BLOC1S5: variants seen among roughly 807,000 people sequenced by gnomAD.
BLOC1S5 encodes biogenesis of lysosomal organelles complex 1 subunit 5, also known as biogenesis of lysosome-related organelles complex 1 subunit 5.
BLOC1S5 carries 27 observed loss-of-function variants against 24.3 expected under a neutral mutation model. That is an observed-to-expected ratio of 1.11 (90% confidence interval 0.82 to 1.53). The LOEUF (loss-of-function observed/expected upper bound fraction) is 1.53, where lower values mean the gene tolerates loss of function less well. BLOC1S5 is among the 40% of genes most tolerant of loss of function. BLOC1S5 has a pLI of 0.00. For synonymous variants in BLOC1S5, 84 were observed against 74.5 expected, an observed-to-expected ratio of 1.13 and a Z score of -0.66; for missense variants, 239 against 229.4, an observed-to-expected ratio of 1.04 and a Z score of -0.27.
chr6:8,024,904 G>C (rs1383186266), intron 4 of BLOC1S5, among the ~76,000 whole-genome samples: 1 of 152,218 alleles, frequency 6.6e-6, no homozygotes, highest in Admixed American at 6.5e-5. Flanking sequence ...AGGGCTTATA[G>C]CTAGCTAGTA....
chr6:8,016,307 C>T (rs1191829727), intron 4 of BLOC1S5, among the ~76,000 whole-genome samples: 3 of 148,802 alleles, frequency 2.0e-5, no homozygotes, highest in Non-Finnish European at 4.4e-5. Context: ...GCCTGGGTGA[C>T]AGAGTGAGAC....
chr6:8,061,286 G>C (rs1223360379), intron 2 of BLOC1S5, among the ~76,000 whole-genome samples: 2 of 152,016 alleles, frequency 1.3e-5, no homozygotes, highest in African/African-American at 2.4e-5. Flanking sequence ...AGATAAAAAA[G>C]ACTTAAAAAT....
chr6:8,050,074 GT>G (rs760461736), intron 2 of BLOC1S5, among the ~76,000 whole-genome samples: 1 of 152,156 alleles, frequency 6.6e-6, no homozygotes, highest in East Asian at 1.9e-4. Context: ...CAGATACTAT[GT>G]TTTTTACAAA....
intron 3 of BLOC1S5, among the ~76,000 whole-genome samples, chr6:8,036,893 A>G (rs1763508558): frequency 6.6e-6 from 1 of 152,172 alleles, no homozygotes; most frequent in African/African-American, 2.4e-5. Context: ...TAAATAACCC[A>G]TATGGTAACC....
chr6:8,062,636 T>C lies in BLOC1S5; in HGVS notation c.113-20A>G. Reference sequence around the variant, plus strand: ...CAAGATCTATAAAGATAAAATGAAATTCAGGGTTAATCCATGCTAAATGGC... The same window carrying C: ...CAAGATCTATAAAGATAAAATGAAACTCAGGGTTAATCCATGCTAAATGGC... On this transcript the variant is annotated intron_variant, in intron 1 of 4. Coordinates refer to ENST00000397457, the MANE Select transcript of BLOC1S5 (RefSeq NM_201280.3). 4 of 1,525,246 alleles carry C rather than the reference T, an allele frequency of 2.6e-6. No homozygotes were observed. The highest frequency in any genetic ancestry group is 1.8e-5 in the Admixed American group (1 of 56,024). The allele number at this position is 1,525,246 out of a possible 1,614,324, so 94.5% of individuals were successfully genotyped here.
chr6:8,042,431 G>A (rs1763726223), intron 2 of BLOC1S5, among the ~76,000 whole-genome samples: 1 of 152,172 alleles, frequency 6.6e-6, no homozygotes, highest in South Asian at 2.1e-4. Flanking sequence ...CTGGCTGGGG[G>A]CTGGAAACTT....
intron 3 of BLOC1S5, among the ~76,000 whole-genome samples, chr6:8,036,087 GA>G (rs200159528): frequency 0.014 from 2,165 of 152,166 alleles, 53 homozygotes; most frequent in African/African-American, 0.049. Flanking sequence ...AGGAAACTTG[GA>G]AAATACACAC....
At position 8,035,345 on chromosome 6, in the gene BLOC1S5, CT is replaced by C. The variant is rs1256450310; in HGVS notation, c.325+5793del. Among the ~76,000 whole-genome samples the C allele has an allele frequency of 7.5e-3, 568 of 75,546 alleles. 3 individuals are homozygous for C. The East Asian group carries it at 0.13, about 17-fold the overall frequency. 49.6% of individuals were successfully genotyped at this position (75,546 alleles called of 152,430 possible). ...AAAATTTTCAAAAAGGAATAAAAAT[CT>C]TTTTTTTTTTTTTAAAAAAAAGGCA... On this transcript the variant is annotated intron_variant, in intron 3 of 4. Coordinates refer to ENST00000397457, the MANE Select transcript of BLOC1S5 (RefSeq NM_201280.3).
intron 4 of BLOC1S5, among the ~76,000 whole-genome samples, chr6:8,024,470 G>T (rs1763039000): frequency 7.7e-6 from 1 of 130,544 alleles, no homozygotes; most frequent in Non-Finnish European, 1.5e-5. Context: ...GTGAGCCACT[G>T]CACCACTGCC....
intron 3 of BLOC1S5, among the ~76,000 whole-genome samples, chr6:8,033,931 G>A (rs7747475): frequency 0.6 from 91,585 of 152,046 alleles, 28,412 homozygotes; most frequent in East Asian, 0.91. Flanking sequence ...ACAATGAGAT[G>A]CCATCTCACA....
intron 3 of BLOC1S5, among the ~76,000 whole-genome samples, chr6:8,036,565 G>A (rs980608136): frequency 7.2e-5 from 11 of 152,078 alleles, no homozygotes; most frequent in African/African-American, 2.7e-4. Context: ...GGACTTAATG[G>A]CTTCTTTGCT....
At chr6:8,033,021 A>C (rs371556115) in intron 3 of BLOC1S5, among the ~76,000 whole-genome samples, 19 of 152,352 alleles carry the variant, frequency 1.2e-4, no homozygotes, top group East Asian at 3.9e-4. Context: ...ATGGATAGGA[A>C]GAATCAATAT....
At chr6:8,034,900 T>G (rs1763433788) in intron 3 of BLOC1S5, among the ~76,000 whole-genome samples, 1 of 151,880 alleles carries the variant, frequency 6.6e-6, no homozygotes, top group African/African-American at 2.4e-5. Flanking sequence ...CAAATGCCCA[T>G]CAATCAACAA....
At chr6:8,058,955 T>C (rs968274279) in intron 2 of BLOC1S5, among the ~76,000 whole-genome samples, 2 of 152,246 alleles carry the variant, frequency 1.3e-5, no homozygotes, top group African/African-American at 4.8e-5. Flanking sequence ...ATTGCATGAA[T>C]AAAGTTTGCT....
chr6:8,022,204 G>A (rs941962007), intron 4 of BLOC1S5, among the ~76,000 whole-genome samples: 4 of 149,758 alleles, frequency 2.7e-5, no homozygotes, highest in African/African-American at 9.9e-5. Context: ...GGAGATTGTT[G>A]GTTATTATAA....
chr6:8,048,837 A>AC (rs1426505507), intron 2 of BLOC1S5, among the ~76,000 whole-genome samples: 1 of 151,074 alleles, frequency 6.6e-6, no homozygotes, highest in Non-Finnish European at 1.5e-5. Flanking sequence ...ACATGGTGAA[A>AC]CCCCATCTCT....
intron 2 of BLOC1S5, among the ~76,000 whole-genome samples, chr6:8,052,060 G>A (rs755267032): frequency 1.6e-4 from 23 of 140,322 alleles, no homozygotes; most frequent in Non-Finnish European, 2.4e-4. Flanking sequence ...TCCGCCTCCC[G>A]GGTTCACGCC....
chr6:8,029,423 C>T (rs1443457906), intron 3 of BLOC1S5, among the ~76,000 whole-genome samples: 1 of 152,192 alleles, frequency 6.6e-6, no homozygotes, highest in Non-Finnish European at 1.5e-5. Flanking sequence ...AGGGATCATG[C>T]TGGATGATCT....
At chr6:8,038,648 C>T (rs558368036) in intron 3 of BLOC1S5, among the ~76,000 whole-genome samples, 11 of 152,298 alleles carry the variant, frequency 7.2e-5, no homozygotes, top group African/African-American at 2.6e-4. Flanking sequence ...CCATGCCTGG[C>T]TACTTCTTTG....
Sources: gnomAD v4.1 joint callset for allele counts (sites outside exome capture counted in the v4.1 genomes callset) on GRCh38, gnomAD v4.1.1 for gene constraint, MANE v1.5 for transcripts, NCBI Gene and HGNC (gene_info 2026-07-23, HGNC 2026-07-21) for gene names.